FANCI: variants seen among roughly 807,000 people sequenced by gnomAD.
FANCI encodes the protein Fanconi anemia group I protein.
Under a neutral mutation model 176.1 loss-of-function variants are expected in FANCI, and 156 were observed. The observed-to-expected ratio is 0.89, with a 90% CI of 0.78 to 1.01. The LOEUF (loss-of-function observed/expected upper bound fraction) is 1.01. FANCI is among the 50% of genes least tolerant of loss of function. The pLI, the probability that FANCI is intolerant of heterozygous loss-of-function variation, is 0.00. For synonymous variants in FANCI, 613 were observed against 541.7 expected, an observed-to-expected ratio of 1.13 and a Z score of -1.83; for missense variants, 1,678 against 1,534.1, an observed-to-expected ratio of 1.09 and a Z score of -1.57.
intron 9 of FANCI, among the ~76,000 whole-genome samples, chr15:89,265,810 C>T (rs2052923683): frequency 1.3e-5 from 2 of 152,168 alleles, no homozygotes; most frequent in Non-Finnish European, 2.9e-5. Context: ...GCGTGAGCCA[C>T]CGTGCCTGGC....
intron 7 of FANCI, 115 bp downstream of exon 7, chr15:89,263,575 A>C (rs2052809199): frequency 2.0e-6 from 2 of 976,442 alleles, no homozygotes; most frequent in South Asian, 1.4e-5. Flanking sequence ...GAATATTAGT[A>C]GTTATGTTTT....
intron 2 of FANCI, among the ~76,000 whole-genome samples, chr15:89,255,996 G>T (rs1481475510): frequency 1.3e-5 from 2 of 152,214 alleles, no homozygotes; most frequent in Non-Finnish European, 2.9e-5. Flanking sequence ...AGATTAAGTT[G>T]CCTGAGGTTT....
chr15:89,244,447 C>A (rs778949205), intron 1 of FANCI, among the ~76,000 whole-genome samples: 27 of 152,186 alleles, frequency 1.8e-4, no homozygotes, highest in Non-Finnish European at 3.8e-4. Context: ...GCCGGCGGGG[C>A]TCTGCCATTC....
chr15:89,292,643 C>A, intron 20 of FANCI, 45 bp from the exon 21 acceptor site: 3 of 1,559,238 alleles, frequency 1.9e-6, no homozygotes, highest in South Asian at 1.1e-5. Flanking sequence ...TATAAGTTAT[C>A]CATCAACACT....
intron 11 of FANCI, 76 bp from the exon 12 acceptor site, chr15:89,274,092 T>C: frequency 8.7e-7 from 1 of 1,148,348 alleles, no homozygotes; most frequent in Non-Finnish European, 1.2e-6. Context: ...TTTATTTTCT[T>C]ATTTCTTTCA....
At chr15:89,307,216 G>GT (rs1482677824) in intron 32 of FANCI, among the ~76,000 whole-genome samples, 1 of 152,200 alleles carries the variant, frequency 6.6e-6, no homozygotes. Flanking sequence ...AAAGTTGTTG[G>GT]TTTTTTACAT....
At chr15:89,264,487 A>T (rs1366417635) in intron 8 of FANCI, 35 bp from the exon 9 acceptor site, 8 of 1,574,264 alleles carry the variant, frequency 5.1e-6, no homozygotes, top group Non-Finnish European at 7.0e-6. Context: ...TTTGCTGTTA[A>T]TTGGGAGACC....
chr15:89,304,184 A>C (rs1458126548), intron 28 of FANCI, among the ~76,000 whole-genome samples: 1 of 152,228 alleles, frequency 6.6e-6, no homozygotes, highest in Non-Finnish European at 1.5e-5. Context: ...CTATGACTCA[A>C]CAATTCGAAT....
rs10152699 is a variant in FANCI, at chr15:89,285,624, T to A, written c.1821+406T>A. 5.0e-3 allele frequency among the ~76,000 whole-genome samples: 767 copies of A among 152,178 alleles called. 4 individuals carry two copies. Among genetic ancestry groups the A allele is most frequent in the African/African-American group, 0.016 (666 of 41,514 alleles). On this transcript the variant is annotated intron_variant, in intron 18 of 37. Coordinates refer to ENST00000310775, the MANE Select transcript of FANCI (RefSeq NM_001113378.2). Reference sequence around the variant, plus strand: ...AGTGAGACCTTGTCTCTCAAAAAAATTTTTTTAAGGTGAGAAATCATAAAA... The same window carrying A: ...AGTGAGACCTTGTCTCTCAAAAAAAATTTTTTAAGGTGAGAAATCATAAAA...
At chr15:89,298,499 A>C (rs1460163492) in intron 24 of FANCI, among the ~76,000 whole-genome samples, 1 of 152,226 alleles carries the variant, frequency 6.6e-6, no homozygotes, top group East Asian at 1.9e-4. Flanking sequence ...GAGGAAATTA[A>C]AGCAGTTAGT....
rs748268294 is a variant in FANCI at position 89,316,872 on chromosome 15, T to A, written c.*413T>A. On this transcript the variant is annotated 3_prime_UTR_variant, in exon 38 of 38. Transcript: ENST00000310775. Reference sequence around the variant, plus strand: ...GGTTAGGATGCCACCTCAAGAACTGTAACTGAGAGCTCAGAAGTGAGCAAA... The same window carrying A: ...GGTTAGGATGCCACCTCAAGAACTGAAACTGAGAGCTCAGAAGTGAGCAAA... 7.3e-7 allele frequency: 1 copy of A among 1,378,238 alleles called. No homozygotes were observed. Among genetic ancestry groups the A allele is most frequent in the Non-Finnish European group, 1.0e-6 (1 of 964,620 alleles). The allele number at this position is 1,378,238 out of a possible 1,614,324, so 85.4% of individuals were successfully genotyped here.
chr15:89,284,853 CAAGG>C (rs2053755102), intron 17 of FANCI, among the ~76,000 whole-genome samples: 1 of 152,118 alleles, frequency 6.6e-6, no homozygotes, highest in African/African-American at 2.4e-5. Context: ...TTGATATTGT[CAAGG>C]AAACCTTAAG....
rs1214126615 is a variant in FANCI at position 89,258,009 on chromosome 15, C to T, written c.85-695C>T. Reference sequence around the variant, plus strand: ...AGATTCTTCATAATCTGGTCCTTTCCCGTTTCTCTTCAAACTCATCTTCTA... The same window carrying T: ...AGATTCTTCATAATCTGGTCCTTTCTCGTTTCTCTTCAAACTCATCTTCTA... On this transcript the variant is annotated intron_variant, in intron 2 of 37. Transcript: ENST00000310775. Among the ~76,000 whole-genome samples the T allele has an allele frequency of 2.0e-5, 3 of 152,094 alleles. 1 individual carries two copies. The highest frequency in any genetic ancestry group is 2.0e-4 in the Admixed American group (3 of 15,270).
In FANCI at chr15:89,281,190, A is replaced by T. The variant is rs1317196091; in HGVS notation, c.1402A>T (p.Met468Leu). Residue 468 changes from methionine (M) to leucine (L), a missense_variant, in exon 15 of 38, where the codon ATG becomes TTG. Transcript: ENST00000310775. ...TTCAGACCTGCTTTCAAATATCGTC[A>T]TGTATGCACCCTTAGTTCTTCAAAG... ...HFLDLLSNIVMYAPLVLQSCS... is the reference protein window; with the variant it reads ...HFLDLLSNIVLYAPLVLQSCS... The T allele has an allele frequency of 6.2e-7, 1 of 1,613,658 alleles. No homozygotes were observed. Among genetic ancestry groups the T allele is most frequent in the Non-Finnish European group, 8.5e-7 (1 of 1,179,778 alleles).
intron 2 of FANCI, 127 bp from the exon 3 acceptor site, chr15:89,258,577 T>G: frequency 2.6e-6 from 2 of 768,994 alleles, no homozygotes; most frequent in Non-Finnish European, 4.7e-6. Flanking sequence ...AAAATTATGG[T>G]GTTTGTAATA....
rs183626066 is a variant in FANCI at position 89,270,608 on chromosome 15, C to G, written c.882+2083C>G. 3.1e-4 allele frequency among the ~76,000 whole-genome samples: 47 copies of G among 152,138 alleles called. No homozygotes were observed. The East Asian group carries it at 6.4e-3, about 21-fold the overall frequency. The stretch of plus-strand genomic sequence containing the variant: ...TGCATCTTTCTTTCGGCATTATTAG[C>G]TGGCATTCTTCTGTAAAAAGAGCCT... On this transcript the variant is annotated intron_variant, in intron 10 of 37. Transcript: ENST00000310775.
intron 24 of FANCI, among the ~76,000 whole-genome samples, chr15:89,298,392 T>C (rs532384003): frequency 6.6e-6 from 1 of 152,272 alleles, no homozygotes; most frequent in Admixed American, 6.5e-5. Context: ...AAATAGCCCA[T>C]AGTCAAAAAG....
chr15:89,265,998 CTTTT>C (rs34447883), intron 9 of FANCI, among the ~76,000 whole-genome samples: 7 of 132,036 alleles, frequency 5.3e-5, no homozygotes, highest in Non-Finnish European at 1.1e-4. Flanking sequence ...TTTCTTATTT[CTTTT>C]TTTTTTTTTT....
intron 19 of FANCI, chr15:89,290,562 C>T (rs978876265): frequency 2.6e-6 from 1 of 386,696 alleles, no homozygotes; most frequent in African/African-American, 2.0e-5. Context: ...AGGACCATTG[C>T]AACTGTATCC....
Sources: gnomAD v4.1 joint callset for allele counts (sites outside exome capture counted in the v4.1 genomes callset) on GRCh38, gnomAD v4.1.1 for gene constraint, MANE v1.5 for transcripts, NCBI Gene and HGNC (gene_info 2026-07-23, HGNC 2026-07-21) for gene names.